PPIL6: variants seen among roughly 807,000 people sequenced by gnomAD.
The protein encoded by PPIL6 is peptidylprolyl isomerase like 6.
A neutral mutation model predicts 36.8 loss-of-function variants in PPIL6; 39 were observed. The ratio of observed to expected loss-of-function variants is 1.06; its 90% CI spans 0.82 to 1.38. The LOEUF (loss-of-function observed/expected upper bound fraction) is 1.38, where lower values mean the gene tolerates loss of function less well. Ranked by LOEUF, PPIL6 falls within the 40% of genes most tolerant of loss-of-function variation. The pLI, the probability that PPIL6 is intolerant of heterozygous loss-of-function variation, is 0.00. For synonymous variants in PPIL6, 123 were observed against 134.1 expected, an observed-to-expected ratio of 0.92 and a Z score of 0.57; for missense variants, 368 against 379.1, an observed-to-expected ratio of 0.97 and a Z score of 0.24.
intron 1 of PPIL6, among the ~76,000 whole-genome samples, chr6:109,438,638 G>A (rs1379791973): frequency 6.6e-6 from 1 of 151,830 alleles, no homozygotes; most frequent in South Asian, 2.1e-4. Context: ...GCCCAGGCTG[G>A]AGCACAGTGG....
Position 109,431,267 on chromosome 6 carries a change from C to A in PPIL6, c.310G>T (p.Asp104Tyr). ...ACCTCGTGGGCCCATTTCTGCAGAT[C>A]CAATGCATCACCCAGAAACTGACCA... is the stretch of plus-strand genomic sequence containing the variant. ...VNGQFLGDAL[D>Y]LQKWAHEVWD... The change falls in exon 3 of 8, where the codon GAT (aspartate) becomes TAT (tyrosine). Residue 104 changes from aspartate to tyrosine, a missense_variant. By Grantham distance (160) the Asp-to-Tyr change is radical. Coordinates refer to ENST00000521072, the MANE Select transcript of PPIL6 (RefSeq NM_173672.5). 6.2e-7 allele frequency: 1 copy of A among 1,612,862 alleles called. No homozygotes were observed. Among genetic ancestry groups the A allele is most frequent in the Non-Finnish European group, 8.5e-7 (1 of 1,179,444 alleles).
At position 109,440,541 on chromosome 6, in the gene PPIL6, G is replaced by C. The variant is rs766000276; in HGVS notation, c.50C>G (p.Pro17Arg). 1 of 1,489,600 alleles carries C rather than the reference G, an allele frequency of 6.7e-7. No individual in the cohort carries two copies. The highest frequency in any genetic ancestry group is 2.7e-5 in the East Asian group (1 of 36,388). The allele number at this position is 1,489,600 out of a possible 1,614,324, so 92.3% of individuals were successfully genotyped here. Residue 17 changes from proline to arginine, a missense_variant, in exon 1 of 8, where the codon CCG (proline) becomes CGG (arginine). Transcript: ENST00000521072. ...CTGCAGCGGCCGCTCCGGCAGCGACGGCGAGCCGCACCTAGCGTGCGGGGG... is the reference window on the plus strand; with the variant it reads ...CTGCAGCGGCCGCTCCGGCAGCGACCGCGAGCCGCACCTAGCGTGCGGGGG... Reference protein sequence around the residue: ...CGPPHARCGSPSLPERPLQVK... With the variant: ...CGPPHARCGSRSLPERPLQVK...
intron 2 of PPIL6, among the ~76,000 whole-genome samples, chr6:109,435,654 G>A (rs1055976105): frequency 2.0e-5 from 3 of 151,984 alleles, no homozygotes; most frequent in Non-Finnish European, 4.4e-5. Context: ...GCCGAGCTCA[G>A]TGACTCACGC....
chr6:109,430,432 CT>C (rs35614425), intron 3 of PPIL6, among the ~76,000 whole-genome samples: 45,487 of 145,550 alleles, frequency 0.31, 6,714 homozygotes, highest in Middle Eastern at 0.41. Flanking sequence ...TGTGTTCATG[CT>C]TTTTTTTTTT....
chr6:109,407,475 G>A (rs1486945139), intron 6 of PPIL6, among the ~76,000 whole-genome samples: 1 of 152,026 alleles, frequency 6.6e-6, no homozygotes, highest in East Asian at 1.9e-4. Flanking sequence ...TCCTGACCTC[G>A]TGATCTGCCC....
intron 7 of PPIL6, among the ~76,000 whole-genome samples, chr6:109,397,352 C>T (rs1216092569): frequency 6.6e-6 from 1 of 151,942 alleles, no homozygotes; most frequent in Non-Finnish European, 1.5e-5. Flanking sequence ...ACTCCATTGC[C>T]GCCCTGTAAC....
chr6:109,431,595 G>GA (rs1249619490), intron 2 of PPIL6, among the ~76,000 whole-genome samples: 1 of 151,960 alleles, frequency 6.6e-6, no homozygotes, highest in East Asian at 1.9e-4. Context: ...TGTTACAAAT[G>GA]AAAAAAAATT....
At chr6:109,415,718 C>T (rs1438514179) in intron 6 of PPIL6, among the ~76,000 whole-genome samples, 9 of 152,256 alleles carry the variant, frequency 5.9e-5, no homozygotes, top group African/African-American at 1.7e-4. Context: ...ACTTTCATGA[C>T]GTTCTTTCTA....
At chr6:109,430,432 CTT>C (rs35614425) in intron 3 of PPIL6, among the ~76,000 whole-genome samples, 90 of 145,736 alleles carry the variant, frequency 6.2e-4, no homozygotes, top group Admixed American at 8.9e-4. Context: ...TGTGTTCATG[CTT>C]TTTTTTTTTT....
intron 3 of PPIL6, 114 bp downstream of exon 3, chr6:109,431,037 TTTAAAC>T (rs1774117215): frequency 1.3e-6 from 1 of 749,400 alleles, no homozygotes; most frequent in Non-Finnish European, 2.1e-6. Flanking sequence ...GGAACTAGGC[TTTAAAC>T]TTAGTCTCCT....
At chr6:109,423,922 T>A (rs1773680578) in intron 5 of PPIL6, among the ~76,000 whole-genome samples, 1 of 152,208 alleles carries the variant, frequency 6.6e-6, no homozygotes, top group African/African-American at 2.4e-5. Context: ...AAGCACCTAC[T>A]ATATCTCAAG....
intron 7 of PPIL6, among the ~76,000 whole-genome samples, chr6:109,397,978 C>G (rs1772369056): frequency 1.3e-5 from 2 of 151,696 alleles, no homozygotes; most frequent in Admixed American, 6.6e-5. Flanking sequence ...TGCAACCTCC[C>G]CCTGCTGGGT....
intron 7 of PPIL6, among the ~76,000 whole-genome samples, chr6:109,399,202 G>C (rs6929208): frequency 0.25 from 38,010 of 151,722 alleles, 4,956 homozygotes; most frequent in Middle Eastern, 0.31. Context: ...CTGCCTCCTG[G>C]GTTCAAGCAA....
chr6:109,400,695 TC>T (rs1486107017), intron 6 of PPIL6, among the ~76,000 whole-genome samples: 1 of 152,194 alleles, frequency 6.6e-6, no homozygotes, highest in Admixed American at 6.5e-5. Flanking sequence ...GAACCTTGTC[TC>T]CTCATGGCTT....
chr6:109,395,419 C>T (rs1406948337), intron 7 of PPIL6, among the ~76,000 whole-genome samples: 1 of 150,358 alleles, frequency 6.7e-6, no homozygotes, highest in Non-Finnish European at 1.5e-5. Flanking sequence ...AAAAAAAAAA[C>T]CCTTAATTAG....
At chr6:109,419,965 C>T (rs1218028678) in intron 5 of PPIL6, among the ~76,000 whole-genome samples, 4 of 152,006 alleles carry the variant, frequency 2.6e-5, no homozygotes, top group Non-Finnish European at 5.9e-5. Flanking sequence ...TAAGTTATTC[C>T]AGTCTATCTT....
intron 7 of PPIL6, among the ~76,000 whole-genome samples, chr6:109,396,426 C>G (rs1050466253): frequency 6.6e-6 from 1 of 152,144 alleles, no homozygotes; most frequent in Non-Finnish European, 1.5e-5. Context: ...TCTTATCCGG[C>G]CTCCACCCTT....
At chr6:109,440,880 G>C (rs1041836725), upstream of PPIL6, 4 of 542,068 alleles carry the variant, frequency 7.4e-6, no homozygotes, top group African/African-American at 2.0e-5. Flanking sequence ...CTGGGCGCCC[G>C]GATTTCGGCA....
At chr6:109,401,755 C>T (rs926613035) in intron 6 of PPIL6, among the ~76,000 whole-genome samples, 3 of 149,478 alleles carry the variant, frequency 2.0e-5, no homozygotes, top group Non-Finnish European at 4.4e-5. Context: ...GATGGAGTCT[C>T]GCTCTGTTGC....
Sources: allele counts gnomAD v4.1 joint callset (sites outside exome capture counted in the v4.1 genomes callset), GRCh38; gene constraint gnomAD v4.1.1; transcripts MANE v1.5; gene names NCBI Gene and HGNC (gene_info 2026-07-23, HGNC 2026-07-21).